HNRNPR: variants seen among roughly 807,000 people sequenced by gnomAD.
HNRNPR encodes the protein heterogeneous nuclear ribonucleoprotein R.
A neutral mutation model predicts 70.3 loss-of-function variants in HNRNPR; 4 were observed. That is an observed-to-expected ratio of 0.06 (90% CI 0.03 to 0.13). HNRNPR has a LOEUF of 0.13. HNRNPR is among the 10% of genes least tolerant of loss of function. The probability of loss-of-function intolerance (pLI) is 1.00; values close to 1 mark genes in which losing one functional copy is unlikely to be tolerated. For missense variants in HNRNPR, 423 were observed against 788.5 expected (o/e 0.54, Z 5.55); for synonymous variants, 241 against 267.6 (o/e 0.90, Z 0.97).
At chr1:23,311,104 C>CA (rs1390355419) in intron 10 of HNRNPR, 38 bp from the exon 11 acceptor site, 1 of 1,608,366 alleles carries the variant, frequency 6.2e-7, no homozygotes, top group African/African-American at 1.3e-5. Flanking sequence ...AAAAACAAAT[C>CA]AGTTTGCTTC....
intron 9 of HNRNPR, among the ~76,000 whole-genome samples, chr1:23,313,331 G>C (rs1265946752): frequency 6.6e-6 from 1 of 152,050 alleles, no homozygotes; most frequent in Non-Finnish European, 1.5e-5. Flanking sequence ...ACAATACAGA[G>C]ATTAAAAATA....
chr1:23,314,183 G>A (rs1177796701), intron 8 of HNRNPR, among the ~76,000 whole-genome samples: 1 of 151,908 alleles, frequency 6.6e-6, no homozygotes, highest in African/African-American at 2.4e-5. Context: ...AGAAAAAAAG[G>A]AGAAAAGCTG....
chr1:23,327,535 A>G (rs180821566), intron 5 of HNRNPR, among the ~76,000 whole-genome samples: 1 of 152,190 alleles, frequency 6.6e-6, no homozygotes, highest in Admixed American at 6.5e-5. Flanking sequence ...CTAAAAATAC[A>G]AAAAATTAGT....
intron 5 of HNRNPR, among the ~76,000 whole-genome samples, chr1:23,330,554 C>T (rs757433203): frequency 2.0e-5 from 3 of 152,028 alleles, no homozygotes; most frequent in Non-Finnish European, 4.4e-5. Context: ...AAAACAAAAA[C>T]AGAACTTGCT....
chr1:23,325,771 CTCCT>C (rs1239417001), intron 5 of HNRNPR, among the ~76,000 whole-genome samples: 2 of 152,182 alleles, frequency 1.3e-5, no homozygotes, highest in African/African-American at 2.4e-5. Flanking sequence ...TTCCCACTGG[CTCCT>C]TCCTGTCTCC....
chr1:23,320,797 T>C (rs1319877803), intron 7 of HNRNPR, among the ~76,000 whole-genome samples: 2 of 152,204 alleles, frequency 1.3e-5, no homozygotes, highest in African/African-American at 2.4e-5. Context: ...GTTTCAGTTA[T>C]ATATAAATGT....
intron 5 of HNRNPR, 80 bp from the exon 6 acceptor site, chr1:23,323,812 AAGATGGGGGC>A: frequency 9.2e-7 from 1 of 1,084,696 alleles, no homozygotes. Flanking sequence ...TTTTTTTTTA[AAGATGGGGGC>A]AGAAGAAGAT....
At chr1:23,336,116 C>CAAAAAAAAAAAAAAAAAAA (rs71020498) in intron 4 of HNRNPR, among the ~76,000 whole-genome samples, 3 of 49,480 alleles carry the variant, frequency 6.1e-5, no homozygotes, top group African/African-American at 2.4e-4. Context: ...GACTCCGTCT[C>CAAAAAAAAAAAAAAAAAAA]AAAAAAAAAA....
rs568987132 is a variant in HNRNPR at position 23,341,713 on chromosome 1, G to C, written c.-9-696C>G. ...TACTAAGTGAGCTATAGTTTAGGTTGCTTCTTAAAAAAAAAGAGTACATGT... is the reference window on the plus strand; with the variant it reads ...TACTAAGTGAGCTATAGTTTAGGTTCCTTCTTAAAAAAAAAGAGTACATGT... On this transcript the variant is annotated intron_variant, in intron 1 of 10. Transcript: ENST00000302271. Among the ~76,000 whole-genome samples the C allele has an allele frequency of 1.3e-4, 20 of 152,084 alleles. No individual in the cohort carries two copies. The East Asian group carries it at 3.3e-3, about 25-fold the overall frequency.
At chr1:23,321,750 C>T in intron 6 of HNRNPR, 87 bp from the exon 7 acceptor site, 3 of 1,304,714 alleles carry the variant, frequency 2.3e-6, no homozygotes, top group Non-Finnish European at 3.2e-6. Context: ...CAATTTAAGG[C>T]CAAACGCTCC....
At chr1:23,334,878 A>ACACAATCTAC (rs1428523636) in intron 4 of HNRNPR, among the ~76,000 whole-genome samples, 14 of 152,096 alleles carry the variant, frequency 9.2e-5, no homozygotes, top group South Asian at 8.3e-4. Flanking sequence ...AAACAAAGAA[A>ACACAATCTAC]CACAATCTAC....
intron 1 of HNRNPR, among the ~76,000 whole-genome samples, 181 bp from the exon 2 acceptor site, chr1:23,341,198 T>C (rs990651377): frequency 2.0e-5 from 3 of 152,136 alleles, no homozygotes; most frequent in Non-Finnish European, 2.9e-5. Context: ...TGTAAAACCA[T>C]AGAAAATGTA....
intron 2 of HNRNPR, among the ~76,000 whole-genome samples, chr1:23,339,291 G>C (rs1050913923): frequency 2.6e-5 from 4 of 152,228 alleles, no homozygotes; most frequent in Admixed American, 1.3e-4. Context: ...TTCTTCTGAA[G>C]TGACAAGCTG....
At chr1:23,321,478 T>C (rs778182802) in intron 7 of HNRNPR, 50 bp downstream of exon 7, 49 of 1,512,538 alleles carry the variant, frequency 3.2e-5, no homozygotes, top group Non-Finnish European at 4.1e-5. Flanking sequence ...CACTTGTAAG[T>C]AGTACAACAT....
intron 5 of HNRNPR, among the ~76,000 whole-genome samples, chr1:23,331,798 T>G (rs1407743691): frequency 8.6e-6 from 1 of 116,896 alleles, no homozygotes; most frequent in African/African-American, 3.2e-5. Flanking sequence ...ATCACACCAC[T>G]AAACTCCAGT....
At chr1:23,330,300 G>A (rs1557895606) in intron 5 of HNRNPR, among the ~76,000 whole-genome samples, 1 of 152,068 alleles carries the variant, frequency 6.6e-6, no homozygotes, top group Non-Finnish European at 1.5e-5. Flanking sequence ...ACTTTGGGAG[G>A]CCGAGGCGGG....
At chr1:23,319,146 T>C (rs1645658618) in intron 7 of HNRNPR, among the ~76,000 whole-genome samples, 1 of 152,222 alleles carries the variant, frequency 6.6e-6, no homozygotes, top group African/African-American at 2.4e-5. Context: ...GTTCCTCTGG[T>C]CTTAGTCCTT....
At chr1:23,336,798 A>G (rs1350423687) in intron 4 of HNRNPR, among the ~76,000 whole-genome samples, 1 of 151,524 alleles carries the variant, frequency 6.6e-6, no homozygotes, top group Non-Finnish European at 1.5e-5. Context: ...AAAGTATGTC[A>G]CTACAGCAAG....
Position 23,307,078 on chromosome 1 carries a change from TAAG to T in HNRNPR, c.*3373_*3375del, listed in dbSNP as rs1341871362. On this transcript the variant is annotated 3_prime_UTR_variant, in exon 11 of 11. Transcript: ENST00000302271. ...AATATTAACTTTGGTTAGTTTTCTT[TAAG>T]AATATTGGTAGCTCAGTATAATAAA... 6.6e-6 allele frequency: 1 copy of T among 152,216 alleles called. No homozygotes were observed. Among genetic ancestry groups the T allele is most frequent in the African/African-American group, 2.4e-5 (1 of 41,458 alleles). The allele number at this position is 152,216 out of a possible 1,614,324, so 9.4% of individuals were successfully genotyped here.
Sources: gnomAD v4.1 joint callset for allele counts (sites outside exome capture counted in the v4.1 genomes callset) on GRCh38, gnomAD v4.1.1 for gene constraint, MANE v1.5 for transcripts, NCBI Gene and HGNC (gene_info 2026-07-23, HGNC 2026-07-21) for gene names.